The following DIAPH3 variants were observed in gnomAD, a reference collection of about 807,000 sequenced individuals.
DIAPH3 encodes the protein protein diaphanous homolog 3.
Under a neutral mutation model 144.3 loss-of-function variants are expected in DIAPH3, and 117 were observed. The ratio of observed to expected loss-of-function variants is 0.81; its 90% confidence interval spans 0.70 to 0.95. The LOEUF (loss-of-function observed/expected upper bound fraction) is 0.95, where lower values mean the gene tolerates loss of function less well. DIAPH3 is among the 40% of genes least tolerant of loss of function. The pLI is 0.00. For synonymous variants in DIAPH3, 519 were observed against 488.9 expected, an observed-to-expected ratio of 1.06 and a Z score of -0.81; for missense variants, 1,421 against 1,412.7, an observed-to-expected ratio of 1.01 and a Z score of -0.09.
At chr13:60,034,552 A>G (rs963638402) in intron 5 of DIAPH3, 1 of 152,184 alleles carries the variant, frequency 6.6e-6, no homozygotes, top group Non-Finnish European at 1.5e-5. Context: ...TGGGAGTTTA[A>G]TCTACTCTGT....
intron 1 of DIAPH3, among the ~76,000 whole-genome samples, chr13:60,146,320 C>T (rs2138355204): frequency 6.6e-6 from 1 of 152,304 alleles, no homozygotes; most frequent in Middle Eastern, 3.4e-3. Context: ...AAGAAGTTTA[C>T]AATCCAATAA....
chr13:59,887,029 G>T (rs571563922), intron 20 of DIAPH3, among the ~76,000 whole-genome samples: 2 of 151,924 alleles, frequency 1.3e-5, no homozygotes, highest in East Asian at 1.9e-4. Context: ...ATAACTCCAG[G>T]TTTCTCATGG....
intron 27 of DIAPH3, among the ~76,000 whole-genome samples, chr13:59,717,002 T>C (rs964359635): frequency 6.6e-6 from 1 of 152,058 alleles, no homozygotes; most frequent in African/African-American, 2.4e-5. Context: ...AAAAATTTCA[T>C]GTACTGTGTT....
At chr13:60,045,781 A>G (rs920928753) in intron 4 of DIAPH3, among the ~76,000 whole-genome samples, 1 of 152,214 alleles carries the variant, frequency 6.6e-6, no homozygotes, top group African/African-American at 2.4e-5. Context: ...ACAACTGAAT[A>G]AATAGATTTT....
intron 27 of DIAPH3, among the ~76,000 whole-genome samples, chr13:59,727,133 G>T (rs1330025308): frequency 6.6e-6 from 1 of 152,084 alleles, no homozygotes; most frequent in African/African-American, 2.4e-5. Flanking sequence ...AGGATTTCTT[G>T]CAAGGTTACT....
intron 27 of DIAPH3, among the ~76,000 whole-genome samples, chr13:59,688,240 A>C (rs961656781): frequency 6.6e-6 from 1 of 152,066 alleles, no homozygotes; most frequent in African/African-American, 2.4e-5. Context: ...ATGTTGGCCA[A>C]GCTAATCACT....
chr13:59,732,385 TGTTTTG>T (rs1199880200), intron 27 of DIAPH3, among the ~76,000 whole-genome samples: 290 of 151,386 alleles, frequency 1.9e-3, no homozygotes, highest in African/African-American at 6.6e-3. Flanking sequence ...TATGCTTAAT[TGTTTTG>T]TCCTATTTAT....
chr13:59,727,771 G>A (rs2035679212), intron 27 of DIAPH3, among the ~76,000 whole-genome samples: 1 of 152,038 alleles, frequency 6.6e-6, no homozygotes, highest in African/African-American at 2.4e-5. Flanking sequence ...TTCTTGTCTA[G>A]TCTGTTATTA....
chr13:60,004,274 A>C (rs1020856033), intron 9 of DIAPH3, among the ~76,000 whole-genome samples: 37 of 152,210 alleles, frequency 2.4e-4, no homozygotes, highest in Non-Finnish European at 4.3e-4. Context: ...ATGGGTACAA[A>C]TAGTTTTATA....
chr13:60,031,421 C>T (rs1196108253), intron 5 of DIAPH3, among the ~76,000 whole-genome samples: 1 of 152,100 alleles, frequency 6.6e-6, no homozygotes, highest in Non-Finnish European at 1.5e-5. Flanking sequence ...TATCAGTCTG[C>T]CCCAAGCCCC....
intron 24 of DIAPH3, among the ~76,000 whole-genome samples, chr13:59,822,521 A>G (rs1223719859): frequency 5.9e-5 from 9 of 151,876 alleles, no homozygotes; most frequent in African/African-American, 2.2e-4. Context: ...GCTCACTGCA[A>G]CCTCCGCCTC....
At chr13:59,678,883 T>C (rs917786159) in intron 27 of DIAPH3, among the ~76,000 whole-genome samples, 1 of 152,160 alleles carries the variant, frequency 6.6e-6, no homozygotes, top group Non-Finnish European at 1.5e-5. Context: ...TAAATACAGA[T>C]AAATGTTTAA....
chr13:60,092,405 C>A (rs2057967500), intron 4 of DIAPH3, among the ~76,000 whole-genome samples: 1 of 152,188 alleles, frequency 6.6e-6, no homozygotes, highest in Non-Finnish European at 1.5e-5. Context: ...GTAATCCCAG[C>A]ACTTTGGGAG....
At chr13:60,101,485 A>G (rs1049036135) in intron 3 of DIAPH3, among the ~76,000 whole-genome samples, 2 of 150,858 alleles carry the variant, frequency 1.3e-5, no homozygotes, top group African/African-American at 4.9e-5. Flanking sequence ...AATTCAAACC[A>G]CTTTCTTAAA....
At chr13:59,972,452 A>C (rs780933173) in intron 15 of DIAPH3, among the ~76,000 whole-genome samples, 4 of 152,188 alleles carry the variant, frequency 2.6e-5, no homozygotes, top group Non-Finnish European at 4.4e-5. Context: ...TTTAACATTT[A>C]ATAAATGTTA....
chr13:59,723,221 A>G (rs1448606414), intron 27 of DIAPH3, among the ~76,000 whole-genome samples: 1 of 152,166 alleles, frequency 6.6e-6, no homozygotes, highest in Non-Finnish European at 1.5e-5. Context: ...CCAGATTGTT[A>G]GTGTACTTCT....
chr13:59,833,233 A>G lies in DIAPH3; in HGVS notation c.2901T>C (p.Leu967=). Residue 967 remains leucine (L), a synonymous_variant, in exon 24 of 28, where the codon CTT becomes CTC. Coordinates refer to ENST00000400324, the MANE Select transcript of DIAPH3 (RefSeq NM_001042517.2). ...TTTCCATGTTTTCGTGTAACTTCGA[A>G]AGTGTCTCATATTGTTCTTTTGCAC... The part of the protein sequence containing the change: ...VISAKEQYET[L]SKLHENMEKL... 1 of 1,609,622 alleles carries G rather than the reference A, an allele frequency of 6.2e-7. No homozygotes were observed. Among genetic ancestry groups the G allele is most frequent in the African/African-American group, 1.3e-5 (1 of 74,818 alleles).
intron 4 of DIAPH3, among the ~76,000 whole-genome samples, chr13:60,068,954 C>T (rs1189259459): frequency 1.3e-5 from 2 of 151,914 alleles, no homozygotes; most frequent in African/African-American, 2.4e-5. Context: ...TGAACATGTG[C>T]GTGCATGTGT....
intron 27 of DIAPH3, among the ~76,000 whole-genome samples, chr13:59,716,214 C>T (rs1039874944): frequency 4.6e-5 from 7 of 152,116 alleles, no homozygotes; most frequent in East Asian, 3.9e-4. Flanking sequence ...TTGCTTTTTC[C>T]GCCCAGGCCA....
Sources: allele counts gnomAD v4.1 joint callset (sites outside exome capture counted in the v4.1 genomes callset), GRCh38; gene constraint gnomAD v4.1.1; transcripts MANE v1.5; gene names NCBI Gene and HGNC (gene_info 2026-07-23, HGNC 2026-07-21).